CNTLN: variants seen among roughly 807,000 people sequenced by gnomAD.
CNTLN encodes the protein centlein, also known as centlein, centrosomal protein.
A neutral mutation model predicts 180.0 loss-of-function variants in CNTLN; 212 were observed. The observed-to-expected ratio is 1.18, with a 90% CI of 1.05 to 1.32. CNTLN has a LOEUF of 1.32. Among genes scored for constraint, CNTLN ranks in the 40% most tolerant of loss-of-function variants. The probability of loss-of-function intolerance (pLI) is 0.00; values close to 1 mark genes in which losing one functional copy is unlikely to be tolerated. For synonymous variants in CNTLN, 722 were observed against 563.1 expected (o/e 1.28, Z -3.99); for missense variants, 2,095 against 1,610.9 (o/e 1.30, Z -5.14).
intron 13 of CNTLN, among the ~76,000 whole-genome samples, chr9:17,386,761 A>G (rs1172043466): frequency 6.6e-6 from 1 of 152,210 alleles, no homozygotes; most frequent in Non-Finnish European, 1.5e-5. Context: ...CATTTACTTT[A>G]TTGGAAGTAT....
chr9:17,344,757 A>G (rs893363365), intron 12 of CNTLN, among the ~76,000 whole-genome samples: 1 of 152,210 alleles, frequency 6.6e-6, no homozygotes, highest in African/African-American at 2.4e-5. Flanking sequence ...TTAACATTGT[A>G]TGTAGTATGT....
intron 2 of CNTLN, among the ~76,000 whole-genome samples, chr9:17,222,351 CT>C (rs1824192468): frequency 6.6e-6 from 1 of 152,024 alleles, no homozygotes; most frequent in Non-Finnish European, 1.5e-5. Context: ...GGCTCTGCGT[CT>C]CCACCCAAAT....
In CNTLN at chr9:17,303,552, T is replaced by G. The variant is rs1009523616; in HGVS notation, c.1146+5200T>G. Among the ~76,000 whole-genome samples, 269 of 98,852 alleles carry G rather than the reference T, an allele frequency of 2.7e-3. 1 individual carries two copies. Among genetic ancestry groups the G allele is most frequent in the African/African-American group, 0.014 (254 of 18,290 alleles). 64.9% of individuals were successfully genotyped at this position (98,852 alleles called of 152,430 possible). On this transcript the variant is annotated intron_variant, in intron 7 of 25. Coordinates refer to ENST00000380647, the MANE Select transcript of CNTLN (RefSeq NM_017738.4). ...GCTTCTGAAGATTTTTTACTAACGC[T>G]TTTTTTTTCTCCTCAAAAATGTAGT...
intron 5 of CNTLN, among the ~76,000 whole-genome samples, chr9:17,260,627 TG>T (rs1019046615): frequency 6.6e-6 from 1 of 151,480 alleles, no homozygotes; most frequent in African/African-American, 2.4e-5. Context: ...GTATGTTGAC[TG>T]TTTACTCTTT....
intron 18 of CNTLN, among the ~76,000 whole-genome samples, chr9:17,432,977 T>C (rs973374891): frequency 2.2e-5 from 3 of 138,302 alleles, no homozygotes; most frequent in Non-Finnish European, 3.0e-5. Flanking sequence ...GCTGAGATCA[T>C]GCCACTGCAC....
At position 17,416,077 on chromosome 9, in the gene CNTLN, C is replaced by G. The variant is rs746601645; in HGVS notation, c.3002C>G (p.Ala1001Gly). Residue 1001 changes from alanine (A) to glycine (G), a missense_variant, in exon 18 of 26, where the codon GCC (alanine) becomes GGC (glycine). Transcript: ENST00000380647. ...CAACAAAACAGTGTACTTCAGAATG[C>G]CAAGAAAACAGCAGAATTGTCTGTT... ...LQQQNSVLQN[A>G]KKTAELSVKE... 1 of 1,613,314 alleles carries G rather than the reference C, an allele frequency of 6.2e-7. No homozygotes were observed. The highest frequency in any genetic ancestry group is 1.1e-5 in the South Asian group (1 of 91,050).
chr9:17,187,239 C>G (rs571149744), intron 2 of CNTLN, among the ~76,000 whole-genome samples: 95 of 152,042 alleles, frequency 6.2e-4, no homozygotes, highest in Non-Finnish European at 9.7e-4. Context: ...TCTGCTTTAT[C>G]TACTTTCTGT....
intron 5 of CNTLN, among the ~76,000 whole-genome samples, chr9:17,262,327 A>T (rs1460512832): frequency 6.6e-6 from 1 of 151,740 alleles, no homozygotes; most frequent in Admixed American, 6.5e-5. Flanking sequence ...AACCAACCCA[A>T]ATGCCCATCA....
At chr9:17,517,404 A>AC in the CNTLN span, among the ~76,000 whole-genome samples, 77 of 151,910 alleles carry the variant, frequency 5.1e-4, 1 homozygote, top group Admixed American at 3.5e-3. Flanking sequence ...ACAAAACAAA[A>AC]AAAAAAAGTT....
At chr9:17,400,777 A>G (rs888471541) in intron 15 of CNTLN, among the ~76,000 whole-genome samples, 2 of 152,166 alleles carry the variant, frequency 1.3e-5, no homozygotes, top group Admixed American at 6.5e-5. Context: ...TGTGAAATGT[A>G]TATGTTAATT....
rs1825107875 is a variant in CNTLN at position 17,235,801 on chromosome 9, A to G, written c.669+9A>G. On this transcript the variant is annotated intron_variant, in intron 4 of 25. Coordinates refer to ENST00000380647, the MANE Select transcript of CNTLN (RefSeq NM_017738.4). ...AAAGTCAAGAAATTAAGGTGTGTTG[A>G]CTTGTACATAGTTTTGTGGGACTGT... 2 of 1,596,300 alleles carry G rather than the reference A, an allele frequency of 1.3e-6. No homozygotes were observed. The highest frequency in any genetic ancestry group is 1.7e-6 in the Non-Finnish European group (2 of 1,174,832).
At chr9:17,441,202 G>A (rs1461288293) in intron 18 of CNTLN, among the ~76,000 whole-genome samples, 1 of 152,092 alleles carries the variant, frequency 6.6e-6, no homozygotes, top group Non-Finnish European at 1.5e-5. Context: ...TTTCTTAGAA[G>A]AAATACTAAA....
chr9:17,139,137 G>C (rs1252654366), intron 1 of CNTLN, among the ~76,000 whole-genome samples: 1 of 151,770 alleles, frequency 6.6e-6, no homozygotes, highest in East Asian at 1.9e-4. Flanking sequence ...GCCCAGGCTG[G>C]GGTGCAGTGG....
At chr9:17,523,185 A>T in the CNTLN span, among the ~76,000 whole-genome samples, 1 of 152,146 alleles carries the variant, frequency 6.6e-6, no homozygotes, top group African/African-American at 2.4e-5. Flanking sequence ...TAACCATAAT[A>T]TTGGTCCTAG....
chr9:17,351,265 G>A (rs773431270), intron 12 of CNTLN, among the ~76,000 whole-genome samples: 6 of 152,072 alleles, frequency 3.9e-5, no homozygotes, highest in Non-Finnish European at 7.4e-5. Context: ...TACTTCATTT[G>A]CATATTTGCC....
chr9:17,228,380 G>A (rs1563902217), intron 3 of CNTLN, among the ~76,000 whole-genome samples: 1 of 151,876 alleles, frequency 6.6e-6, no homozygotes, highest in Admixed American at 6.6e-5. Context: ...GCTTTGTAGG[G>A]ACCCAAATTT....
At chr9:17,175,090 C>A (rs1038192897) in intron 2 of CNTLN, among the ~76,000 whole-genome samples, 4 of 152,134 alleles carry the variant, frequency 2.6e-5, no homozygotes, top group African/African-American at 4.8e-5. Flanking sequence ...CAGTCTATAG[C>A]TTGTGTTTCA....
intron 2 of CNTLN, among the ~76,000 whole-genome samples, chr9:17,188,146 A>G (rs2131783463): frequency 6.6e-6 from 1 of 151,956 alleles, no homozygotes; most frequent in South Asian, 2.1e-4. Context: ...AACAAAGTGT[A>G]ATGTCAGTTT....
intron 2 of CNTLN, among the ~76,000 whole-genome samples, chr9:17,159,795 C>G (rs1445032930): frequency 6.6e-6 from 1 of 152,074 alleles, no homozygotes; most frequent in East Asian, 1.9e-4. Context: ...ACAAACATTG[C>G]CTTTCATACT....
Sources: gnomAD v4.1 joint callset for allele counts (sites outside exome capture counted in the v4.1 genomes callset) on GRCh38, gnomAD v4.1.1 for gene constraint, MANE v1.5 for transcripts, NCBI Gene and HGNC (gene_info 2026-07-23, HGNC 2026-07-21) for gene names.